CREB5: variants seen among roughly 807,000 people sequenced by gnomAD.
CREB5 encodes cAMP responsive element binding protein 5.
In CREB5, 19 loss-of-function variants were observed where a neutral mutation model predicts 57.1. The observed-to-expected ratio is 0.33, with a 90% CI of 0.23 to 0.49. CREB5 has a LOEUF of 0.49. CREB5 is among the 20% of genes least tolerant of loss of function. The probability of loss-of-function intolerance (pLI) is 0.99; values close to 1 mark genes in which losing one functional copy is unlikely to be tolerated. For synonymous variants in CREB5, 238 were observed against 238.3 expected, an observed-to-expected ratio of 1.00 and a Z score of 0.01; for missense variants, 579 against 671.6, an observed-to-expected ratio of 0.86 and a Z score of 1.52.
intron 9 of CREB5, among the ~76,000 whole-genome samples, chr7:28,811,824 T>C (rs898351271): frequency 1.3e-5 from 2 of 152,196 alleles, no homozygotes; most frequent in Non-Finnish European, 2.9e-5. Flanking sequence ...TAAATAAAAG[T>C]TCTTGTATAT....
chr7:28,647,216 G>A (rs1157411783), intron 5 of CREB5, among the ~76,000 whole-genome samples: 4 of 151,202 alleles, frequency 2.6e-5, no homozygotes, highest in Non-Finnish European at 4.4e-5. Context: ...CTGGCCACTG[G>A]CCACTATCAC....
chr7:28,514,283 G>A (rs191083622), intron 4 of CREB5, among the ~76,000 whole-genome samples: 1 of 152,212 alleles, frequency 6.6e-6, no homozygotes, highest in South Asian at 2.1e-4. Flanking sequence ...AAGGGGGGAG[G>A]TGGTTGTGAC....
At chr7:28,385,090 A>G (rs979765391) in intron 1 of CREB5, among the ~76,000 whole-genome samples, 3 of 152,226 alleles carry the variant, frequency 2.0e-5, no homozygotes, top group African/African-American at 7.2e-5. Flanking sequence ...GGAAGTATGT[A>G]TAACTCATAG....
chr7:28,560,941 CGTGTGTGTGCGTGTGT>C (rs1380956942), intron 4 of CREB5, among the ~76,000 whole-genome samples: 3 of 44,652 alleles, frequency 6.7e-5, no homozygotes, highest in African/African-American at 3.3e-4. Context: ...TGTGTGCGTG[CGTGTGTGTGCGTGTGT>C]GTGCGTGTGT....
At chr7:28,457,289 C>T (rs1790137659) in intron 1 of CREB5, among the ~76,000 whole-genome samples, 1 of 152,120 alleles carries the variant, frequency 6.6e-6, no homozygotes, top group African/African-American at 2.4e-5. Context: ...AACCACAGCA[C>T]CCGCGATTAT....
chr7:28,324,343 C>A (rs1202278116), intron 1 of CREB5, among the ~76,000 whole-genome samples: 1 of 152,146 alleles, frequency 6.6e-6, no homozygotes, highest in Non-Finnish European at 1.5e-5. Context: ...TTCAGTCATT[C>A]CGGTTGAGTT....
chr7:28,405,142 T>G (rs1787550971), intron 1 of CREB5, among the ~76,000 whole-genome samples: 1 of 152,228 alleles, frequency 6.6e-6, no homozygotes, highest in South Asian at 2.1e-4. Flanking sequence ...TTGGAAATCT[T>G]TATCCCTTCA....
chr7:28,361,706 C>T (rs1786487937), intron 1 of CREB5, among the ~76,000 whole-genome samples: 1 of 152,158 alleles, frequency 6.6e-6, no homozygotes, highest in African/African-American at 2.4e-5. Context: ...AGCAGGGCTC[C>T]CACAGCATTC....
chr7:28,613,231 G>C (rs1029094115), intron 5 of CREB5, among the ~76,000 whole-genome samples: 1 of 152,124 alleles, frequency 6.6e-6, no homozygotes, highest in African/African-American at 2.4e-5. Flanking sequence ...TTTTCCCCTT[G>C]AAAAGTATTC....
At chr7:28,581,178 A>C (rs1453196817) in intron 5 of CREB5, among the ~76,000 whole-genome samples, 1 of 152,228 alleles carries the variant, frequency 6.6e-6, no homozygotes, top group Non-Finnish European at 1.5e-5. Context: ...AACAGTGACA[A>C]CTTGAACTTT....
intron 5 of CREB5, among the ~76,000 whole-genome samples, chr7:28,634,561 G>A (rs1015920363): frequency 2.0e-5 from 3 of 152,098 alleles, no homozygotes; most frequent in Non-Finnish European, 4.4e-5. Context: ...ACTTCTAAGA[G>A]CCTTACAAGC....
intron 1 of CREB5, among the ~76,000 whole-genome samples, chr7:28,321,513 C>T (rs2127984255): frequency 6.6e-6 from 1 of 152,298 alleles, no homozygotes; most frequent in Non-Finnish European, 1.5e-5. Flanking sequence ...ATTCTCTGGG[C>T]AAGTATAGAC....
chr7:28,340,815 C>A (rs1249028480), intron 1 of CREB5, among the ~76,000 whole-genome samples: 2 of 152,178 alleles, frequency 1.3e-5, no homozygotes, highest in Non-Finnish European at 2.9e-5. Context: ...GTTCTGACCA[C>A]TGGGATGGGT....
intron 1 of CREB5, among the ~76,000 whole-genome samples, chr7:28,346,339 G>T: frequency 1.3e-5 from 2 of 152,176 alleles, no homozygotes; most frequent in Non-Finnish European, 2.9e-5. Context: ...GTTGGTAGCT[G>T]GTGCCTTCTT....
intron 5 of CREB5, among the ~76,000 whole-genome samples, chr7:28,635,677 C>G (rs1056495876): frequency 6.6e-6 from 1 of 152,212 alleles, no homozygotes; most frequent in African/African-American, 2.4e-5. Flanking sequence ...CATCATCTAT[C>G]TATGTTAATT....
rs1295946356 is a variant in CREB5 at position 28,821,801 on chromosome 7, A to G, written c.*2522A>G. 4 of 152,562 alleles carry G rather than the reference A, an allele frequency of 2.6e-5. No homozygotes were observed. Among genetic ancestry groups the G allele is most frequent in the African/African-American group, 4.8e-5 (2 of 41,450 alleles). The allele number at this position is 152,562 out of a possible 1,614,324, so 9.5% of individuals were successfully genotyped here. ...TTAAAATGTTTAGTTGGGTTTTTTA[A>G]TTTTTAATTTTTATGTTATGTTTTG... On this transcript the variant is annotated 3_prime_UTR_variant, in exon 11 of 11. Coordinates refer to ENST00000357727, the MANE Select transcript of CREB5 (RefSeq NM_182898.4).
At chr7:28,716,171 C>CT in intron 5 of CREB5, among the ~76,000 whole-genome samples, 1 of 152,002 alleles carries the variant, frequency 6.6e-6, no homozygotes, top group South Asian at 2.1e-4. Flanking sequence ...AGTAGGCAAT[C>CT]TCCTGAACTA....
intron 1 of CREB5, among the ~76,000 whole-genome samples, chr7:28,318,637 C>G (rs1364838851): frequency 6.6e-6 from 1 of 152,168 alleles, no homozygotes. Flanking sequence ...TGGCTTGACC[C>G]AGGAGGCATG....
At chr7:28,347,098 A>G (rs1400027243) in intron 1 of CREB5, among the ~76,000 whole-genome samples, 4 of 152,208 alleles carry the variant, frequency 2.6e-5, no homozygotes, top group Non-Finnish European at 5.9e-5. Flanking sequence ...CAAATCTTGT[A>G]CACTGTGGCC....
Sources: allele counts gnomAD v4.1 joint callset (sites outside exome capture counted in the v4.1 genomes callset), GRCh38; gene constraint gnomAD v4.1.1; transcripts MANE v1.5; gene names NCBI Gene and HGNC (gene_info 2026-07-23, HGNC 2026-07-21).